Variants in DLG5 observed in about 807,000 individuals in gnomAD.
The protein encoded by DLG5 is discs large MAGUK scaffold protein 5.
In DLG5, 48 loss-of-function variants were observed where a neutral mutation model predicts 189.8. The ratio of observed to expected loss-of-function variants is 0.25; its 90% CI spans 0.20 to 0.32. The LOEUF (loss-of-function observed/expected upper bound fraction) is 0.32. DLG5 is among the 10% of genes least tolerant of loss of function. The probability of loss-of-function intolerance (pLI) is 1.00; values close to 1 mark genes in which losing one functional copy is unlikely to be tolerated. For synonymous variants in DLG5, 1,016 were observed against 1,054.1 expected, an observed-to-expected ratio of 0.96 and a Z score of 0.70; for missense variants, 2,160 against 2,544.7, an observed-to-expected ratio of 0.85 and a Z score of 3.25.
chr10:77,857,776 T>G (rs1844307321), intron 2 of DLG5, among the ~76,000 whole-genome samples: 1 of 152,192 alleles, frequency 6.6e-6, no homozygotes, highest in African/African-American at 2.4e-5. Context: ...CTACCTGATA[T>G]CTCAATCAAC....
intron 1 of DLG5, among the ~76,000 whole-genome samples, chr10:77,883,902 T>A (rs185644930): frequency 0.011 from 1,726 of 152,246 alleles, 14 homozygotes; most frequent in Non-Finnish European, 0.019. Context: ...TTTTGCCATG[T>A]AGGCCAGGCT....
At chr10:77,852,247 T>G (rs909627975) in intron 5 of DLG5, among the ~76,000 whole-genome samples, 1 of 152,012 alleles carries the variant, frequency 6.6e-6, no homozygotes, top group Non-Finnish European at 1.5e-5. Context: ...GGCATGTGCC[T>G]GTAGTCCCAG....
chr10:77,805,834 G>A lies in DLG5; in HGVS notation c.4995C>T (p.Leu1665=), dbSNP rs1461616740. 1.9e-6 allele frequency: 3 copies of A among 1,613,544 alleles called. No homozygotes were observed. The highest frequency in any genetic ancestry group is 2.2e-5 in the East Asian group (1 of 44,854). The change falls in exon 27 of 32, where the codon CTC becomes CTT. Residue 1665 remains leucine, a synonymous_variant. Transcript: ENST00000372391. Reference sequence around the variant, plus strand: ...TGTCATCTTTGACTTCAGACATGCTGAGCCTCCTGGAGAATTCTTGGTCCA... The same window carrying A: ...TGTCATCTTTGACTTCAGACATGCTAAGCCTCCTGGAGAATTCTTGGTCCA... ...YVMDQEFSRR[L]SMSEVKDDNS...
Position 77,805,664 on chromosome 10 carries a change from C to T in DLG5, c.5164+1G>A, listed in dbSNP as rs1297454817. ...ACTGGAAAATGAGCTCAGCCACTTG[C>T]CTTCAAAGAGTGGAATGGAGTCACT... On this transcript the variant is annotated splice_donor_variant, in intron 27 of 31. Coordinates refer to ENST00000372391, the MANE Select transcript of DLG5 (RefSeq NM_004747.4). LOFTEE classifies it high-confidence loss of function. 1 of 1,604,564 alleles carries T rather than the reference C, an allele frequency of 6.2e-7. No homozygotes were observed. Among genetic ancestry groups the T allele is most frequent in the Non-Finnish European group, 8.5e-7 (1 of 1,172,850 alleles).
chr10:77,830,412 C>T (rs1842843410), intron 10 of DLG5, 68 bp from the exon 11 acceptor site: 2 of 1,602,734 alleles, frequency 1.2e-6, no homozygotes, highest in Non-Finnish European at 1.7e-6. Flanking sequence ...CTCTTAAGCC[C>T]CGAAGCTGCC....
chr10:77,873,163 G>T (rs1438519010), intron 1 of DLG5, among the ~76,000 whole-genome samples: 3 of 152,108 alleles, frequency 2.0e-5, no homozygotes, highest in Non-Finnish European at 4.4e-5. Context: ...GAAAAGGGGA[G>T]CTTGAGGCCA....
intron 1 of DLG5, among the ~76,000 whole-genome samples, chr10:77,917,575 A>AAAG (rs1023250871): frequency 6.6e-6 from 1 of 152,084 alleles, no homozygotes; most frequent in African/African-American, 2.4e-5. Context: ...AGAAAGAAAG[A>AAAG]AAGAAAAAAA....
intron 5 of DLG5, among the ~76,000 whole-genome samples, chr10:77,847,931 T>C (rs1435818590): frequency 2.0e-5 from 3 of 152,128 alleles, no homozygotes. Flanking sequence ...GGTCTTGAAC[T>C]CCTAGACTCA....
chr10:77,899,812 G>A (rs977930303), intron 1 of DLG5, among the ~76,000 whole-genome samples: 12 of 152,158 alleles, frequency 7.9e-5, no homozygotes, highest in African/African-American at 1.2e-4. Flanking sequence ...GATGGCTGAC[G>A]AGAAAACCAG....
chr10:77,817,756 A>G (rs1280340680), intron 18 of DLG5, 21 bp downstream of exon 18: 1 of 1,544,964 alleles, frequency 6.5e-7, no homozygotes, highest in Admixed American at 2.0e-5. Context: ...CTGCAGCACA[A>G]AGTCCAAGTG....
intron 3 of DLG5, among the ~76,000 whole-genome samples, chr10:77,854,901 A>T (rs1356579043): frequency 1.3e-5 from 2 of 152,076 alleles, no homozygotes; most frequent in Non-Finnish European, 2.9e-5. Flanking sequence ...ACGTGGGAGG[A>T]TCACTTGAGC....
In DLG5 at chr10:77,819,374, G is replaced by T; in HGVS notation, c.3618C>A (p.Pro1206=). ...IYTVRSHRVG[P]CSSPPAARDA... ...CTCGGGCCGCAGGTGGAGAGCTGCA[G>T]GGGCCGACCCTGTGACTGCGCACAG... The change falls in exon 17 of 32, where the codon CCC becomes CCA. Residue 1206 remains proline, a synonymous_variant. Coordinates refer to ENST00000372391, the MANE Select transcript of DLG5 (RefSeq NM_004747.4). 2 of 1,614,156 alleles carry T rather than the reference G, an allele frequency of 1.2e-6. No individual in the cohort carries two copies. The highest frequency in any genetic ancestry group is 2.2e-5 in the East Asian group (1 of 44,862).
intron 2 of DLG5, chr10:77,866,837 T>C (rs2154576994): frequency 2.6e-6 from 1 of 392,066 alleles, no homozygotes; most frequent in East Asian, 7.2e-5. Context: ...GTGGTATGAG[T>C]GGGTGTTCCC....
chr10:77,910,454 T>G (rs1846186377), intron 1 of DLG5, among the ~76,000 whole-genome samples: 1 of 152,178 alleles, frequency 6.6e-6, no homozygotes, highest in Non-Finnish European at 1.5e-5. Flanking sequence ...GCTGTGTCAC[T>G]TGCTCACCCT....
intron 27 of DLG5, among the ~76,000 whole-genome samples, chr10:77,800,843 C>G (rs1301373493): frequency 6.6e-6 from 1 of 152,210 alleles, no homozygotes; most frequent in Non-Finnish European, 1.5e-5. Context: ...GAAGTCAAGG[C>G]TCCCTAGGGA....
Position 77,805,661 on chromosome 10 carries a change from T to C in DLG5, c.5164+4A>G. The C allele has an allele frequency of 6.2e-7, 1 of 1,601,372 alleles. No individual in the cohort carries two copies. Among genetic ancestry groups the C allele is most frequent in the Non-Finnish European group, 8.5e-7 (1 of 1,170,200 alleles). ...CCCACTGGAAAATGAGCTCAGCCAC[T>C]TGCCTTCAAAGAGTGGAATGGAGTC... is the stretch of plus-strand genomic sequence containing the variant. On this transcript the variant is annotated splice_donor_region_variant and intron_variant, in intron 27 of 31. Transcript: ENST00000372391.
In DLG5 at chr10:77,876,373, C is replaced by CCTTT. The variant is rs1247619215; in HGVS notation, c.305-7177_305-7176insAAAG. 1.3e-4 allele frequency among the ~76,000 whole-genome samples: 17 copies of CCTTT among 134,914 alleles called. No homozygotes were observed. In the South Asian group the frequency reaches 3.2e-3, roughly 25 times the overall value. The allele number at this position is 134,914 out of a possible 152,430, so 88.5% of individuals were successfully genotyped here. Reference sequence around the variant, plus strand: ...GGCAATATAGCAAGACCCCATCTCTCTTTTTTTTTTTTTTTTTTTGAAAGA... The same window carrying CCTTT: ...GGCAATATAGCAAGACCCCATCTCTCCTTTTTTTTTTTTTTTTTTTTTTGAAAGA... On this transcript the variant is annotated intron_variant, in intron 1 of 31. Coordinates refer to ENST00000372391, the MANE Select transcript of DLG5 (RefSeq NM_004747.4).
Position 77,828,977 on chromosome 10 carries a change from T to G in DLG5, c.2194A>C (p.Ile732Leu), listed in dbSNP as rs1465837243. 6.2e-7 allele frequency: 1 copy of G among 1,613,478 alleles called. No homozygotes were observed. Among genetic ancestry groups the G allele is most frequent in the African/African-American group, 1.3e-5 (1 of 74,932 alleles). The stretch of plus-strand genomic sequence containing the variant: ...GCATACACTCCATTCTCCAGACTGA[T>G]GCCACTGTCTGCAAGCCACAGGAGG... ...INLSGQKDSGISLENGVYAAA... is the reference protein window; with the variant it reads ...INLSGQKDSGLSLENGVYAAA... Residue 732 changes from isoleucine (I) to leucine (L), a missense_variant, in exon 13 of 32, where the codon ATC becomes CTC. Around this residue, in one of 5 missense-constraint regions of DLG5, gnomAD observed 107 missense variants for 214.5 expected, o/e 0.50. Coordinates refer to ENST00000372391, the MANE Select transcript of DLG5 (RefSeq NM_004747.4).
intron 1 of DLG5, among the ~76,000 whole-genome samples, chr10:77,876,392 T>TTTTTTC (rs1290219135): frequency 7.6e-6 from 1 of 131,484 alleles, no homozygotes; most frequent in South Asian, 2.5e-4. Flanking sequence ...TTTTTTTTTT[T>TTTTTTC]GAAAGAGAGT....
Sources: gnomAD v4.1 joint callset for allele counts (sites outside exome capture counted in the v4.1 genomes callset) on GRCh38, gnomAD v4.1.1 for gene constraint, gnomAD v4.1.1 regional missense constraint, MANE v1.5 for transcripts, NCBI Gene and HGNC (gene_info 2026-07-23, HGNC 2026-07-21) for gene names.